Variants in RNASET2 observed in about 807,000 individuals in gnomAD.
RNASET2 encodes the protein ribonuclease T2.
In RNASET2, 28 loss-of-function variants were observed where a neutral mutation model predicts 33.9. The ratio of observed to expected loss-of-function variants is 0.83; its 90% CI spans 0.61 to 1.13. RNASET2 has a LOEUF of 1.13. Among genes scored for constraint, RNASET2 ranks in the 50% most tolerant of loss-of-function variants. RNASET2 has a pLI of 0.00. For missense variants in RNASET2, 330 were observed against 319.9 expected, an observed-to-expected ratio of 1.03 and a Z score of -0.24; for synonymous variants, 123 against 121.0, an observed-to-expected ratio of 1.02 and a Z score of -0.11.
At chr6:166,955,199 ACG>A (rs1229470661) in intron 1 of RNASET2, among the ~76,000 whole-genome samples, 44 of 134,224 alleles carry the variant, frequency 3.3e-4, no homozygotes, top group African/African-American at 3.4e-4. Flanking sequence ...GCACACACGC[ACG>A]CACACACGCA....
intron 2 of RNASET2, among the ~76,000 whole-genome samples, chr6:166,951,163 AGCGGAG>A (rs762038372): frequency 1.1e-4 from 17 of 152,122 alleles, no homozygotes; most frequent in Non-Finnish European, 2.4e-4. Context: ...CCTGTATGGC[AGCGGAG>A]GCGGAGAGAG....
chr6:166,946,785 G>A (rs777779126), intron 3 of RNASET2, 46 bp from the exon 4 acceptor site: 5 of 1,199,522 alleles, frequency 4.2e-6, no homozygotes, highest in East Asian at 2.5e-5. Context: ...ATTAGGCTTG[G>A]TTGGGGTGGC....
At chr6:166,943,196 T>G in intron 4 of RNASET2, 107 bp from the exon 5 acceptor site, 1 of 761,438 alleles carries the variant, frequency 1.3e-6, no homozygotes, top group Non-Finnish European at 2.3e-6. Flanking sequence ...CTCTGCTAAT[T>G]AACAATACTT....
chr6:166,952,816 G>C, intron 1 of RNASET2: 1 of 443,486 alleles, frequency 2.3e-6, no homozygotes, highest in East Asian at 4.6e-5. Flanking sequence ...GCGGAGGCAG[G>C]GCAAGCTAGG....
At chr6:166,938,482 C>A (rs914338374) in intron 6 of RNASET2, 1 of 517,366 alleles carries the variant, frequency 1.9e-6, no homozygotes, top group African/African-American at 1.9e-5. Context: ...CTCTTTCCTG[C>A]CTGCTTGTTC....
Position 166,938,551 on chromosome 6 carries a change from G to A in RNASET2, c.446+344C>T, listed in dbSNP as rs778504287. The A allele has an allele frequency of 1.6e-4, 89 of 562,494 alleles. 1 individual carries two copies. Among genetic ancestry groups the A allele is most frequent in the East Asian group, 4.4e-4 (9 of 20,506 alleles). 34.8% of individuals were successfully genotyped at this position (562,494 alleles called of 1,614,324 possible). On this transcript the variant is annotated intron_variant, in intron 6 of 8. Transcript: ENST00000508775. ...AGAGTTTCCGTCTTTCTAAGGAAAC[G>A]ACTTATTAATGCACTATCCTTTATC...
At chr6:166,930,133 A>G (rs941836523) in intron 8 of RNASET2, among the ~76,000 whole-genome samples, 7 of 152,244 alleles carry the variant, frequency 4.6e-5, no homozygotes, top group Non-Finnish European at 7.3e-5. Context: ...AGCACTCAAC[A>G]TATCTATCAA....
Position 166,931,411 on chromosome 6 carries a change from G to A in RNASET2, c.493-293C>T, listed in dbSNP as rs945092300. ...TCCTCCCAGTGTCTTTCTGGGCCCC[G>A]AGCTGTCTCACCTGAAACGCCACCT... On this transcript the variant is annotated intron_variant, in intron 7 of 8. Coordinates refer to ENST00000508775, the MANE Select transcript of RNASET2 (RefSeq NM_003730.6). 2.9e-5 allele frequency: 14 copies of A among 475,368 alleles called. 1 individual carries two copies. The highest frequency in any genetic ancestry group is 2.4e-4 in the Admixed American group (7 of 28,752). 29.4% of individuals were successfully genotyped at this position (475,368 alleles called of 1,614,324 possible). A position where few individuals can be genotyped will look rare whatever the true frequency, so the allele number is the denominator to read the frequency against.
intron 8 of RNASET2, among the ~76,000 whole-genome samples, chr6:166,929,992 C>T (rs760643360): frequency 1.4e-4 from 21 of 152,190 alleles, no homozygotes; most frequent in South Asian, 2.1e-4. Context: ...CCAGGTGACT[C>T]GCCTGTGGGC....
intron 1 of RNASET2, among the ~76,000 whole-genome samples, chr6:166,954,987 TA>T (rs1168040155): frequency 2.7e-5 from 4 of 150,926 alleles, no homozygotes; most frequent in Non-Finnish European, 4.4e-5. Context: ...TAAGACTGTC[TA>T]AAAAAAAATA....
intron 1 of RNASET2, among the ~76,000 whole-genome samples, chr6:166,955,211 ACG>A (rs1380546715): frequency 8.5e-4 from 79 of 92,806 alleles, no homozygotes; most frequent in Middle Eastern, 4.8e-3. Flanking sequence ...GCACACACGC[ACG>A]CACACACGCG....
At chr6:166,954,765 G>C (rs1440819944) in intron 1 of RNASET2, among the ~76,000 whole-genome samples, 2 of 152,226 alleles carry the variant, frequency 1.3e-5, no homozygotes, top group Non-Finnish European at 2.9e-5. Context: ...TGTAATCCCA[G>C]CACTTTGGGA....
chr6:166,952,250 G>A (rs1238592943), intron 2 of RNASET2, among the ~76,000 whole-genome samples: 3 of 152,232 alleles, frequency 2.0e-5, no homozygotes, highest in South Asian at 4.1e-4. Context: ...CCAGGACCGT[G>A]AGAATAAATT....
chr6:166,939,078 A>G, intron 5 of RNASET2, 70 bp from the exon 6 acceptor site: 1 of 1,117,558 alleles, frequency 8.9e-7, no homozygotes, highest in African/African-American at 1.5e-5. Flanking sequence ...TCATGCCTGT[A>G]ATCCCAACAC....
Position 166,956,405 on chromosome 6 carries a change from C to T in RNASET2, c.-223G>A. The T allele has an allele frequency of 1.7e-6, 1 of 584,622 alleles. No individual in the cohort carries two copies. Among genetic ancestry groups the T allele is most frequent in the Non-Finnish European group, 3.0e-6 (1 of 328,232 alleles). 36.2% of individuals were successfully genotyped at this position (584,622 alleles called of 1,614,324 possible). ...GGCTCCGGGAATGGCCGCAGCAGCC[C>T]TGGCGACCCGGGCCCCTCGGAGCTC... On this transcript the variant is annotated 5_prime_UTR_variant, in exon 1 of 9. Transcript: ENST00000508775.
intron 8 of RNASET2, among the ~76,000 whole-genome samples, chr6:166,930,504 TCACATGCATGCACACATTCA>T (rs1471052566): frequency 7.3e-6 from 1 of 137,686 alleles, no homozygotes; most frequent in Non-Finnish European, 1.6e-5. Context: ...CACAGCACGT[TCACATGCATGCACACATTCA>T]CACATGCACA....
At chr6:166,955,999 T>A in intron 1 of RNASET2, 98 bp downstream of exon 1, 2 of 1,217,966 alleles carry the variant, frequency 1.6e-6, no homozygotes, top group Non-Finnish European at 2.3e-6. Flanking sequence ...TGCCCGGGGC[T>A]CAGCGACCGC....
In RNASET2 at chr6:166,926,093, T is replaced by C. The variant is rs1475160755; in HGVS notation, c.*3495A>G. Among the ~76,000 whole-genome samples the C allele has an allele frequency of 6.6e-6, 1 of 152,186 alleles. No individual in the cohort carries two copies. The highest frequency in any genetic ancestry group is 1.5e-5 in the Non-Finnish European group (1 of 68,030). ...ACTGAGGCTTGAACTAAGTCAGTAA[T>C]GAGAAGGATAAGCTGAATATAATTC... On this transcript the variant is annotated 3_prime_UTR_variant, in exon 9 of 9. Transcript: ENST00000508775.
At chr6:166,940,913 G>A (rs987199409) in intron 5 of RNASET2, among the ~76,000 whole-genome samples, 2 of 152,098 alleles carry the variant, frequency 1.3e-5, no homozygotes, top group Non-Finnish European at 2.9e-5. Context: ...ACAACAGGCA[G>A]CCAGTCCTCG....
Sources: gnomAD v4.1 joint callset for allele counts (sites outside exome capture counted in the v4.1 genomes callset) on GRCh38, gnomAD v4.1.1 for gene constraint, MANE v1.5 for transcripts, NCBI Gene and HGNC (gene_info 2026-07-23, HGNC 2026-07-21) for gene names.